The following RDH13 variants were observed in gnomAD, a reference collection of about 807,000 sequenced individuals.
The protein encoded by RDH13 is retinol dehydrogenase 13 (all-trans and 9-cis).
A neutral mutation model predicts 28.3 loss-of-function variants in RDH13; 35 were observed. The observed-to-expected ratio is 1.24, with a 90% CI of 0.95 to 1.64. The LOEUF (loss-of-function observed/expected upper bound fraction) is 1.64. Ranked by LOEUF, RDH13 falls within the 40% of genes most tolerant of loss-of-function variation. RDH13 has a pLI of 0.00. For synonymous variants in RDH13, 229 were observed against 198.5 expected, an observed-to-expected ratio of 1.15 and a Z score of -1.29; for missense variants, 514 against 446.3, an observed-to-expected ratio of 1.15 and a Z score of -1.37.
downstream of RDH13, chr19:55,039,761 C>T (rs978592506): frequency 6.6e-6 from 1 of 152,052 alleles, no homozygotes; most frequent in African/African-American, 2.4e-5. Context: ...ATGGCTTGAA[C>T]CCGGGACGCG....
At chr19:55,063,251 C>T, upstream of RDH13, 1 of 407,556 alleles carries the variant, frequency 2.5e-6, no homozygotes, top group Non-Finnish European at 4.3e-6. Flanking sequence ...CGGTCCTGAG[C>T]GCTGTCACAG....
chr19:55,054,266 G>C (rs11672111), intron 3 of RDH13, among the ~76,000 whole-genome samples: 22,163 of 152,184 alleles, frequency 0.15, 1,861 homozygotes, highest in African/African-American at 0.22. Flanking sequence ...TGACTCTGAA[G>C]AAGAAAGCTT....
Position 55,057,804 on chromosome 19 carries a change from TTTA to T in RDH13, c.185-999_185-997del, listed in dbSNP as rs1437433399. On this transcript the variant is annotated intron_variant, in intron 2 of 6. Transcript: ENST00000415061. Reference sequence around the variant, plus strand: ...TCATCTTAACCCCCTTTTCTTTTTGTTTATTATTATTTTTTTTTTTTTGAGTCA... The same window carrying T: ...TCATCTTAACCCCCTTTTCTTTTTGTTTATTATTTTTTTTTTTTTGAGTCA... Among the ~76,000 whole-genome samples, 4 of 117,596 alleles carry T rather than the reference TTTA, an allele frequency of 3.4e-5. No individual in the cohort carries two copies. The South Asian group carries it at 8.6e-4, about 25-fold the overall frequency. The allele number at this position is 117,596 out of a possible 152,430, so 77.1% of individuals were successfully genotyped here.
At chr19:55,059,017 T>C in intron 2 of RDH13, 140 bp downstream of exon 2, 1 of 643,980 alleles carries the variant, frequency 1.6e-6, no homozygotes, top group Non-Finnish European at 2.8e-6. Context: ...TATGCCCCTG[T>C]CTATAGAAGC....
At position 55,044,912 on chromosome 19, in the gene RDH13, C is replaced by A. The variant is rs1173847047; in HGVS notation, c.*162G>T. 1.0e-5 allele frequency: 6 copies of A among 600,818 alleles called. No homozygotes were observed. In the African/African-American group the frequency reaches 1.1e-4, roughly 11 times the overall value. The allele number at this position is 600,818 out of a possible 1,614,324, so 37.2% of individuals were successfully genotyped here. On this transcript the variant is annotated 3_prime_UTR_variant, in exon 7 of 7. Transcript: ENST00000415061. ...GCCCAGGGCAGTGCTCACCTGCAGG[C>A]CAGTCCACTGCGGCCAGCACCGCCC...
chr19:55,047,148 C>G, intron 6 of RDH13: 1 of 1,404,584 alleles, frequency 7.1e-7, no homozygotes, highest in East Asian at 2.6e-5. Flanking sequence ...ACGGCCTCTT[C>G]CTCTGAGACA....
At position 55,044,803 on chromosome 19, in the gene RDH13, G is replaced by A. The variant is rs752171377; in HGVS notation, c.*271C>T. 38 of 452,940 alleles carry A rather than the reference G, an allele frequency of 8.4e-5. No homozygotes were observed. Among genetic ancestry groups the A allele is most frequent in the African/African-American group, 1.4e-4 (7 of 49,796 alleles). 28.1% of individuals were successfully genotyped at this position (452,940 alleles called of 1,614,324 possible). Reference sequence around the variant, plus strand: ...AAGTGCACGGAGCCCCTTCCTCCTCGGCCATTCCCAGTTTAGATTCCCAGG... The same window carrying A: ...AAGTGCACGGAGCCCCTTCCTCCTCAGCCATTCCCAGTTTAGATTCCCAGG... On this transcript the variant is annotated 3_prime_UTR_variant, in exon 7 of 7. Transcript: ENST00000415061.
intron 2 of RDH13, among the ~76,000 whole-genome samples, chr19:55,058,037 A>T (rs2075694312): frequency 6.6e-6 from 1 of 151,740 alleles, no homozygotes; most frequent in African/African-American, 2.4e-5. Context: ...CAGCCTCCAA[A>T]AGTGCTGGAA....
intron 6 of RDH13, 88 bp downstream of exon 6, chr19:55,047,299 G>T: frequency 3.9e-6 from 6 of 1,532,168 alleles, no homozygotes; most frequent in Non-Finnish European, 4.4e-6. Flanking sequence ...CCTCAGGGAC[G>T]GTCTCTGAGG....
intron 1 of RDH13, among the ~76,000 whole-genome samples, chr19:55,069,113 A>G: frequency 1.7e-5 from 2 of 115,862 alleles, no homozygotes; most frequent in Admixed American, 9.3e-5. Context: ...CCTGGGAAGG[A>G]GCCAGGCTCC....
upstream of RDH13, chr19:55,064,294 A>ATGTG (rs1568743406): frequency 4.0e-5 from 6 of 151,830 alleles, no homozygotes; most frequent in Non-Finnish European, 7.4e-5. Flanking sequence ...GGTGGCACTC[A>ATGTG]CCTGTAGTCC....
upstream of RDH13, among the ~76,000 whole-genome samples, chr19:55,066,289 C>G (rs2147092582): frequency 6.6e-6 from 1 of 152,290 alleles, no homozygotes; most frequent in South Asian, 2.1e-4. Context: ...GTCCCAGGTG[C>G]TGAGAGGATT....
chr19:55,051,201 T>C (rs967881178), intron 3 of RDH13, among the ~76,000 whole-genome samples: 9 of 152,128 alleles, frequency 5.9e-5, no homozygotes, highest in Admixed American at 2.6e-4. Context: ...TGAGAGAATC[T>C]ACCCGTGACA....
At chr19:55,053,515 G>C (rs1312648361) in intron 3 of RDH13, among the ~76,000 whole-genome samples, 1 of 151,990 alleles carries the variant, frequency 6.6e-6, no homozygotes, top group Non-Finnish European at 1.5e-5. Flanking sequence ...AATTAGCCGG[G>C]CGTGGTGGCA....
upstream of RDH13, chr19:55,063,312 G>A (rs888892481): frequency 1.8e-5 from 7 of 379,506 alleles, no homozygotes; most frequent in Non-Finnish European, 2.8e-5. Context: ...CCGGGGGCGG[G>A]GCCTATGGTT....
chr19:55,057,813 A>ATTT (rs35480304), intron 2 of RDH13, among the ~76,000 whole-genome samples: 1 of 142,014 alleles, frequency 7.0e-6, no homozygotes, highest in Admixed American at 7.1e-5. Flanking sequence ...GTTTATTATT[A>ATTT]TTTTTTTTTT....
upstream of RDH13, among the ~76,000 whole-genome samples, chr19:55,067,916 TTCTC>T (rs2075988266): frequency 1.4e-5 from 2 of 146,744 alleles, no homozygotes; most frequent in Non-Finnish European, 3.0e-5. Context: ...TCTGTGTCTT[TTCTC>T]TCTCTCATCT....
At chr19:55,062,020 G>A (rs539084922) in intron 1 of RDH13, among the ~76,000 whole-genome samples, 5 of 152,220 alleles carry the variant, frequency 3.3e-5, no homozygotes, top group African/African-American at 1.2e-4. Flanking sequence ...AGGAGGCTGA[G>A]GCCGGACAAT....
Position 55,048,692 on chromosome 19 carries a change from C to T in RDH13, c.412G>A (p.Gly138Ser), listed in dbSNP as rs753148836. The T allele has an allele frequency of 1.5e-5, 25 of 1,613,860 alleles. No individual in the cohort carries two copies. The highest frequency in any genetic ancestry group is 4.0e-5 in the African/African-American group (3 of 74,862). Residue 138 changes from glycine to serine, a missense_variant, in exon 4 of 7, where the codon GGC becomes AGC. Gly to Ser is a moderately conservative substitution (Grantham distance 56, BLOSUM62 0). Coordinates refer to ENST00000415061, the MANE Select transcript of RDH13 (RefSeq NM_001145971.2). ...MRCPHWTTED[G>S]FEMQFGVNHL... is the part of the protein sequence containing the mutation. ...TTAACGCCAAACTGCATCTCGAAGC[C>T]GTCCTCGGTGGTCCAGTGGGGGCAC...
Sources: allele counts gnomAD v4.1 joint callset (sites outside exome capture counted in the v4.1 genomes callset), GRCh38; gene constraint gnomAD v4.1.1; transcripts MANE v1.5; gene names NCBI Gene and HGNC (gene_info 2026-07-23, HGNC 2026-07-21).